Variants in FSHR observed in about 807,000 individuals in gnomAD.
The protein encoded by FSHR is follicle-stimulating hormone receptor.
FSHR carries 46 observed loss-of-function variants against 52.1 expected under a neutral mutation model. The ratio of observed to expected loss-of-function variants is 0.88; its 90% CI spans 0.70 to 1.13. FSHR has a LOEUF of 1.13. FSHR is among the 50% of genes most tolerant of loss of function. The pLI, the probability that FSHR is intolerant of heterozygous loss-of-function variation, is 0.00. For synonymous variants in FSHR, 399 were observed against 309.6 expected (o/e 1.29, Z -3.03); for missense variants, 964 against 834.6 (o/e 1.16, Z -1.91).
At chr2:49,149,944 G>T (rs1382040494) in intron 1 of FSHR, among the ~76,000 whole-genome samples, 1 of 152,010 alleles carries the variant, frequency 6.6e-6, no homozygotes, top group African/African-American at 2.4e-5. Flanking sequence ...ACCATCAATA[G>T]ACCCTTTTCT....
intron 1 of FSHR, among the ~76,000 whole-genome samples, chr2:49,082,953 G>A (rs375872879): frequency 1.2e-4 from 18 of 151,250 alleles, no homozygotes; most frequent in Non-Finnish European, 2.4e-4. Flanking sequence ...TTCCCCAATC[G>A]AGCAAGGCAG....
chr2:49,100,616 G>A (rs1340327302), intron 1 of FSHR, among the ~76,000 whole-genome samples: 1 of 152,160 alleles, frequency 6.6e-6, no homozygotes, highest in Non-Finnish European at 1.5e-5. Context: ...TCGTGAAGAT[G>A]GAAGACAAAT....
intron 1 of FSHR, among the ~76,000 whole-genome samples, chr2:49,078,981 T>A (rs1030050906): frequency 6.6e-6 from 1 of 152,072 alleles, no homozygotes; most frequent in Non-Finnish European, 1.5e-5. Flanking sequence ...ACAGAAAACA[T>A]CATTGTTTAC....
chr2:49,140,741 C>T (rs563523280), intron 1 of FSHR, among the ~76,000 whole-genome samples: 2 of 152,024 alleles, frequency 1.3e-5, no homozygotes, highest in East Asian at 3.9e-4. Context: ...CAGTTCCCCA[C>T]ATCTAGAAAT....
At chr2:48,964,788 C>G (rs1674393847) in intron 9 of FSHR, among the ~76,000 whole-genome samples, 1 of 152,066 alleles carries the variant, frequency 6.6e-6, no homozygotes, top group Admixed American at 6.6e-5. Context: ...TACAAGGGGC[C>G]TTGTCAACAG....
At position 49,022,604 on chromosome 2, in the gene FSHR, C is replaced by G. The variant is rs188960250; in HGVS notation, c.225-2444G>C. Among the ~76,000 whole-genome samples, 5 of 152,248 alleles carry G rather than the reference C, an allele frequency of 3.3e-5. No individual in the cohort carries two copies. The East Asian group carries it at 9.7e-4, about 29-fold the overall frequency. On this transcript the variant is annotated intron_variant, in intron 2 of 9. Coordinates refer to ENST00000406846, the MANE Select transcript of FSHR (RefSeq NM_000145.4). ...GCTTGTGAGGTTGGTATTTTGGTCT[C>G]CACATTAATAAATGGTCCCACCTGT... is the stretch of plus-strand genomic sequence containing the variant.
At chr2:49,078,128 T>A (rs1381194960) in intron 1 of FSHR, among the ~76,000 whole-genome samples, 2 of 152,202 alleles carry the variant, frequency 1.3e-5, no homozygotes, top group Non-Finnish European at 2.9e-5. Context: ...TTTCTGAGAC[T>A]GGGCAATTTA....
At chr2:48,968,642 T>C in intron 9 of FSHR, 56 bp downstream of exon 9, 1 of 1,575,438 alleles carries the variant, frequency 6.3e-7, no homozygotes, top group Non-Finnish European at 8.7e-7. Context: ...GTAGAAATTG[T>C]GGACAAAGTT....
intron 1 of FSHR, among the ~76,000 whole-genome samples, chr2:49,099,808 C>T (rs1670960845): frequency 1.3e-5 from 2 of 152,030 alleles, no homozygotes; most frequent in African/African-American, 4.8e-5. Context: ...CCCTTAGAAC[C>T]GTCAGGAGGA....
At chr2:48,992,177 T>A (rs1471924676) in intron 4 of FSHR, among the ~76,000 whole-genome samples, 1 of 152,166 alleles carries the variant, frequency 6.6e-6, no homozygotes, top group East Asian at 1.9e-4. Flanking sequence ...GTGTTGTTAA[T>A]GCGCTAAAAA....
At chr2:49,047,983 A>G (rs1167725763) in intron 2 of FSHR, among the ~76,000 whole-genome samples, 4 of 152,166 alleles carry the variant, frequency 2.6e-5, no homozygotes. Flanking sequence ...GGTTCAAGTG[A>G]GTCTCCTGCC....
At chr2:49,073,800 T>C (rs544543617) in intron 1 of FSHR, among the ~76,000 whole-genome samples, 1 of 152,140 alleles carries the variant, frequency 6.6e-6, no homozygotes, top group East Asian at 1.9e-4. Context: ...ACTACAAAGC[T>C]ATAGTAACCA....
intron 4 of FSHR, among the ~76,000 whole-genome samples, chr2:49,005,631 CA>C (rs1197805879): frequency 6.6e-6 from 1 of 151,922 alleles, no homozygotes; most frequent in Non-Finnish European, 1.5e-5. Flanking sequence ...AGTGAGTGTG[CA>C]AAAAAACAAA....
At chr2:48,990,375 T>A (rs1202921659) in intron 5 of FSHR, among the ~76,000 whole-genome samples, 191 bp downstream of exon 5, 1 of 152,178 alleles carries the variant, frequency 6.6e-6, no homozygotes, top group African/African-American at 2.4e-5. Context: ...TCTTTCAGTT[T>A]CCTCCAAACT....
chr2:48,995,424 C>G (rs545925440), intron 4 of FSHR, among the ~76,000 whole-genome samples: 3 of 152,194 alleles, frequency 2.0e-5, no homozygotes, highest in Non-Finnish European at 4.4e-5. Context: ...ACTACAGAGC[C>G]TTCTGGCCTA....
Position 48,969,351 on chromosome 2 carries a change from G to T in FSHR, c.669-468C>A, listed in dbSNP as rs1674627818. 2.0e-5 allele frequency among the ~76,000 whole-genome samples: 3 copies of T among 152,344 alleles called. No homozygotes were observed. The South Asian group carries it at 6.2e-4, about 32-fold the overall frequency. ...GGGACAAGAAGGAAATATACTACAA[G>T]AGGAAGAAGAGTCTGGCAGGCGGTA... is the stretch of plus-strand genomic sequence containing the variant. On this transcript the variant is annotated intron_variant, in intron 8 of 9. Coordinates refer to ENST00000406846, the MANE Select transcript of FSHR (RefSeq NM_000145.4).
At chr2:49,029,532 C>CTT (rs903127260) in intron 2 of FSHR, among the ~76,000 whole-genome samples, 2 of 152,184 alleles carry the variant, frequency 1.3e-5, no homozygotes, top group African/African-American at 4.8e-5. Context: ...ATCACTGGAG[C>CTT]TTTCTGAGAT....
intron 1 of FSHR, among the ~76,000 whole-genome samples, chr2:49,091,133 A>C (rs1670592280): frequency 6.8e-6 from 1 of 148,044 alleles, no homozygotes; most frequent in Non-Finnish European, 1.5e-5. Flanking sequence ...CCAACTTACC[A>C]TTTTTTTTTT....
At chr2:49,087,076 T>A (rs896001131) in intron 1 of FSHR, among the ~76,000 whole-genome samples, 4 of 142,658 alleles carry the variant, frequency 2.8e-5, no homozygotes, top group African/African-American at 1.1e-4. Flanking sequence ...CAGGGTTTTT[T>A]TTTTTTTTTT....
Sources: allele counts gnomAD v4.1 joint callset (sites outside exome capture counted in the v4.1 genomes callset), GRCh38; gene constraint gnomAD v4.1.1; transcripts MANE v1.5; gene names NCBI Gene and HGNC (gene_info 2026-07-23, HGNC 2026-07-21).